Variants in NHS observed in about 807,000 individuals in gnomAD.
NHS encodes actin remodeling regulator NHS.
NHS carries 5 observed loss-of-function variants against 72.5 expected under a neutral mutation model. That is an observed-to-expected ratio of 0.07 (90% confidence interval 0.04 to 0.14). The LOEUF (loss-of-function observed/expected upper bound fraction) is 0.14, where lower values mean the gene tolerates loss of function less well. NHS is among the 10% of genes least tolerant of loss of function. The probability of loss-of-function intolerance (pLI) is 1.00; values close to 1 mark genes in which losing one functional copy is unlikely to be tolerated. For synonymous variants in NHS, 464 were observed against 547.7 expected (o/e 0.85, Z 2.13); for missense variants, 1,072 against 1,355.7 (o/e 0.79, Z 3.29).
chrX:17,704,602 T>A (rs774767302), intron 3 of NHS, among the ~76,000 whole-genome samples: 1 of 111,546 alleles, frequency 9.0e-6, no homozygotes, highest in African/African-American at 3.3e-5. Context: ...CCGGCCAAAA[T>A]TTTTTAAAAG....
intron 8 of NHS, among the ~76,000 whole-genome samples, chrX:17,730,691 T>A (rs1053715467): frequency 1.8e-5 from 2 of 112,676 alleles, no homozygotes; most frequent in African/African-American, 6.4e-5. Flanking sequence ...AATAGATGTA[T>A]TGAGTTTGGT....
intron 1 of NHS, among the ~76,000 whole-genome samples, chrX:17,476,478 T>C (rs10856284): frequency 0.21 from 23,771 of 110,999 alleles, 2,218 homozygotes; most frequent in South Asian, 0.41. Flanking sequence ...AAATGTTTGC[T>C]CCATATGTAA....
Position 17,677,043 on chromosome X carries a change from C to T in NHS, c.566-10699C>T, listed in dbSNP as rs190148770. Among the ~76,000 whole-genome samples the T allele has an allele frequency of 4.8e-4, 54 of 111,812 alleles. No individual in the cohort carries two copies. The East Asian group carries it at 0.011, about 22-fold the overall frequency. On this transcript the variant is annotated intron_variant, in intron 1 of 8. Transcript: ENST00000676302. ...GAAATGCAGATTCTCAGATCCCATC[C>T]GAGACCTACAGCATCAAGATTTCTG... is the stretch of plus-strand genomic sequence containing the variant.
At chrX:17,701,549 C>T (rs1339820917) in intron 3 of NHS, among the ~76,000 whole-genome samples, 1 of 111,512 alleles carries the variant, frequency 9.0e-6, no homozygotes, top group Non-Finnish European at 1.9e-5. Flanking sequence ...TAAATTGGCA[C>T]TTCACCCAGA....
In NHS at chrX:17,725,606, C is replaced by T. The variant is rs371021798; in HGVS notation, c.1500C>T (p.Ser500=). The T allele has an allele frequency of 3.3e-6, 4 of 1,209,712 alleles. No homozygotes were observed. The African/African-American group carries it at 7.0e-5, about 21-fold the overall frequency. ...CCATGTTTACTCCTGCAGTGAGCAG[C>T]CGCACAAGATCTCGGAGCCTTCCCC... ...GDTMFTPAVS[S]RTRSRSLPRE... Residue 500 remains serine (S), a synonymous_variant, in exon 7 of 9, where the codon AGC becomes AGT. Transcript: ENST00000676302.
intron 1 of NHS, among the ~76,000 whole-genome samples, chrX:17,425,236 G>A (rs960336388): frequency 9.0e-6 from 1 of 111,116 alleles, no homozygotes; most frequent in Non-Finnish European, 1.9e-5. Flanking sequence ...ATCCACGTCC[G>A]GTGAGCGTAG....
At chrX:17,623,064 A>T (rs1334045590) in intron 1 of NHS, among the ~76,000 whole-genome samples, 1 of 111,169 alleles carries the variant, frequency 9.0e-6, no homozygotes, top group South Asian at 3.9e-4. Context: ...AACAGCTAGG[A>T]CTATAGTCAT....
chrX:17,723,786 CATGGGGAAT>C, intron 5 of NHS, among the ~76,000 whole-genome samples: 1 of 100,050 alleles, frequency 1.0e-5, no homozygotes, highest in African/African-American at 3.9e-5. Flanking sequence ...CGCGTGCGCG[CATGGGGAAT>C]GCAAGAAGGT....
intron 1 of NHS, among the ~76,000 whole-genome samples, chrX:17,594,007 C>T (rs755765728): frequency 8.9e-6 from 1 of 111,751 alleles, no homozygotes; most frequent in African/African-American, 3.3e-5. Flanking sequence ...TAAGGAGAAG[C>T]ACCTACTATA....
chrX:17,627,985 A>C (rs182102085), intron 1 of NHS, among the ~76,000 whole-genome samples: 3 of 112,879 alleles, frequency 2.7e-5, no homozygotes, highest in Non-Finnish European at 5.6e-5. Context: ...AGGAAGGGTC[A>C]AAGTAATATG....
chrX:17,438,763 T>C (rs1186419906), intron 1 of NHS, among the ~76,000 whole-genome samples: 1 of 111,717 alleles, frequency 9.0e-6, no homozygotes, highest in Non-Finnish European at 1.9e-5. Context: ...AACACTCTCC[T>C]TGGTGATATA....
At chrX:17,420,466 C>G (rs1412894864) in intron 1 of NHS, among the ~76,000 whole-genome samples, 1 of 110,994 alleles carries the variant, frequency 9.0e-6, no homozygotes, top group Non-Finnish European at 1.9e-5. Context: ...ATCCATGTAC[C>G]CATCCACCCA....
At chrX:17,556,972 G>A in intron 1 of NHS, among the ~76,000 whole-genome samples, 1 of 98,239 alleles carries the variant, frequency 1.0e-5, no homozygotes, top group African/African-American at 4.9e-5. Flanking sequence ...CTTAAAACAT[G>A]GATATATATA....
intron 1 of NHS, among the ~76,000 whole-genome samples, chrX:17,465,347 C>G (rs984162568): frequency 1.8e-5 from 2 of 111,464 alleles, no homozygotes; most frequent in Admixed American, 9.6e-5. Flanking sequence ...TAAAGAAGCA[C>G]TTTGGAGGCC....
chrX:17,482,094 A>G (rs62586091), intron 1 of NHS, among the ~76,000 whole-genome samples: 3,901 of 111,586 alleles, frequency 0.035, 47 homozygotes, highest in Middle Eastern at 0.065. Context: ...CAGTTTTCTC[A>G]TTTCTAAAAT....
chrX:17,643,552 G>C (rs2065892084), intron 1 of NHS, among the ~76,000 whole-genome samples: 1 of 111,439 alleles, frequency 9.0e-6, no homozygotes, highest in South Asian at 3.8e-4. Flanking sequence ...CAAAATACAA[G>C]ACTGTGAACT....
intron 1 of NHS, among the ~76,000 whole-genome samples, chrX:17,510,111 T>G (rs1272046901): frequency 8.9e-6 from 1 of 112,782 alleles, no homozygotes; most frequent in African/African-American, 3.2e-5. Context: ...CTTGGTGACC[T>G]TACCGTTGAC....
At chrX:17,513,207 C>T (rs2065099143) in intron 1 of NHS, among the ~76,000 whole-genome samples, 1 of 112,275 alleles carries the variant, frequency 8.9e-6, no homozygotes, top group Admixed American at 9.4e-5. Context: ...ATATATTACT[C>T]ACCTGCATTC....
chrX:17,394,009 C>G (rs113793257), intron 1 of NHS, among the ~76,000 whole-genome samples: 15 of 111,626 alleles, frequency 1.3e-4, no homozygotes, highest in African/African-American at 4.2e-4. Flanking sequence ...ATTCCGCCCC[C>G]CCACCGCACC....
Sources: allele counts gnomAD v4.1 joint callset (sites outside exome capture counted in the v4.1 genomes callset), GRCh38; gene constraint gnomAD v4.1.1; transcripts MANE v1.5; gene names NCBI Gene and HGNC (gene_info 2026-07-23, HGNC 2026-07-21).